Variants in HS6ST3 observed in about 807,000 individuals in gnomAD.
HS6ST3 encodes heparan-sulfate 6-O-sulfotransferase 3.
A neutral mutation model predicts 36.7 loss-of-function variants in HS6ST3; 12 were observed. That is an observed-to-expected ratio of 0.33 (90% CI 0.21 to 0.53). The LOEUF is 0.53. Ranked by LOEUF, HS6ST3 falls within the 20% of genes least tolerant of loss-of-function variation. The probability of loss-of-function intolerance (pLI) is 0.95; values close to 1 mark genes in which losing one functional copy is unlikely to be tolerated. For missense variants in HS6ST3, 584 were observed against 640.9 expected (o/e 0.91, Z 0.96); for synonymous variants, 240 against 257.5 (o/e 0.93, Z 0.65).
intron 1 of HS6ST3, among the ~76,000 whole-genome samples, chr13:96,790,268 T>C (rs1022752030): frequency 1.0e-5 from 1 of 96,712 alleles, no homozygotes; most frequent in African/African-American, 4.2e-5. Flanking sequence ...AAAACACACA[T>C]GTACACACAC....
intron 1 of HS6ST3, among the ~76,000 whole-genome samples, chr13:96,637,243 T>C (rs1392097260): frequency 6.6e-6 from 1 of 152,096 alleles, no homozygotes; most frequent in South Asian, 2.1e-4. Context: ...CTTACCAGAT[T>C]GGTATGATAA....
intron 1 of HS6ST3, among the ~76,000 whole-genome samples, chr13:96,563,899 G>A (rs1401198275): frequency 6.6e-6 from 1 of 151,980 alleles, no homozygotes; most frequent in East Asian, 1.9e-4. Context: ...ATATGGTTAC[G>A]GCCAGCCTGT....
chr13:96,241,589 T>C (rs2054560198), intron 1 of HS6ST3, among the ~76,000 whole-genome samples: 1 of 151,698 alleles, frequency 6.6e-6, no homozygotes, highest in Admixed American at 6.6e-5. Flanking sequence ...ACTTAGAACC[T>C]TATGGTCCCA....
chr13:96,135,971 C>T (rs2053999696), intron 1 of HS6ST3, among the ~76,000 whole-genome samples: 1 of 152,188 alleles, frequency 6.6e-6, no homozygotes, highest in African/African-American at 2.4e-5. Flanking sequence ...GCCTGCATTC[C>T]ACCGGTGGGC....
chr13:96,283,028 C>T (rs1014047384), intron 1 of HS6ST3, among the ~76,000 whole-genome samples: 2 of 152,172 alleles, frequency 1.3e-5, no homozygotes, highest in African/African-American at 4.8e-5. Context: ...AGTAACCTGG[C>T]TGACATCTCT....
Position 96,273,925 on chromosome 13 carries a change from TTCCCTCCCTCCC to T in HS6ST3, c.707+182370_707+182381del, listed in dbSNP as rs60633591. ...GTGGCTTCCCTCCCTTCCTTCCTTC[TTCCCTCCCTCCC>T]TCCCTCCCTCCCTTCCTTCCTTCCT... is the stretch of plus-strand genomic sequence containing the variant. On this transcript the variant is annotated intron_variant, in intron 1 of 1. Transcript: ENST00000376705. Among the ~76,000 whole-genome samples, 626 of 103,490 alleles carry T rather than the reference TTCCCTCCCTCCC, an allele frequency of 6.0e-3. 6 individuals carry two copies. Among genetic ancestry groups the T allele is most frequent in the African/African-American group, 0.023 (594 of 26,188 alleles). 67.9% of individuals were successfully genotyped at this position (103,490 alleles called of 152,430 possible).
chr13:96,614,324 A>AAAAAAAAAT (rs1566411768), intron 1 of HS6ST3, among the ~76,000 whole-genome samples: 3 of 123,688 alleles, frequency 2.4e-5, no homozygotes, highest in Non-Finnish European at 3.4e-5. Flanking sequence ...AAAAAAAAAA[A>AAAAAAAAAT]AAAACAGTTA....
intron 1 of HS6ST3, among the ~76,000 whole-genome samples, chr13:96,718,122 C>A (rs1170573739): frequency 6.6e-6 from 1 of 152,166 alleles, no homozygotes; most frequent in African/African-American, 2.4e-5. Context: ...CAGTCTGGGT[C>A]AGCATCCCAC....
chr13:96,726,740 G>A (rs1034870381), intron 1 of HS6ST3, among the ~76,000 whole-genome samples: 2 of 152,062 alleles, frequency 1.3e-5, no homozygotes, highest in African/African-American at 4.8e-5. Context: ...ATTTTTGGAA[G>A]ATATTTTTCT....
At chr13:96,602,511 G>C (rs2056425282) in intron 1 of HS6ST3, among the ~76,000 whole-genome samples, 1 of 152,224 alleles carries the variant, frequency 6.6e-6, no homozygotes, top group Admixed American at 6.5e-5. Context: ...GGGCAGGTCA[G>C]AAGCCTGGGC....
intron 1 of HS6ST3, among the ~76,000 whole-genome samples, chr13:96,714,651 A>G (rs1189849647): frequency 6.6e-6 from 1 of 152,228 alleles, no homozygotes; most frequent in Admixed American, 6.5e-5. Flanking sequence ...TACATAGCCT[A>G]GAACAATGCT....
intron 1 of HS6ST3, among the ~76,000 whole-genome samples, chr13:96,832,210 C>A (rs1878813960): frequency 6.6e-6 from 1 of 152,080 alleles, no homozygotes. Context: ...TGAATAATTG[C>A]TGAACGAATG....
At chr13:96,156,408 G>A (rs1055174380) in intron 1 of HS6ST3, among the ~76,000 whole-genome samples, 1 of 152,198 alleles carries the variant, frequency 6.6e-6, no homozygotes, top group South Asian at 2.1e-4. Context: ...GAAATCCAGA[G>A]AGTGAAAGGT....
intron 1 of HS6ST3, among the ~76,000 whole-genome samples, chr13:96,339,609 C>T (rs1021610234): frequency 5.9e-5 from 9 of 152,172 alleles, no homozygotes; most frequent in African/African-American, 9.7e-5. Context: ...GACTATCAAG[C>T]GATCAAATAG....
chr13:96,448,889 A>G (rs1030935013), intron 1 of HS6ST3, among the ~76,000 whole-genome samples: 3 of 152,230 alleles, frequency 2.0e-5, no homozygotes. Context: ...GAATGAGCAT[A>G]TATTTTTGGA....
At chr13:96,793,878 C>T (rs1877849952) in intron 1 of HS6ST3, among the ~76,000 whole-genome samples, 1 of 151,964 alleles carries the variant, frequency 6.6e-6, no homozygotes, top group South Asian at 2.1e-4. Flanking sequence ...CACGCCAATG[C>T]TCTGGGACCT....
intron 1 of HS6ST3, among the ~76,000 whole-genome samples, chr13:96,271,235 G>A (rs1012547603): frequency 2.6e-5 from 4 of 151,892 alleles, no homozygotes; most frequent in Admixed American, 6.6e-5. Context: ...CCATTACATA[G>A]CATTTACACC....
intron 1 of HS6ST3, among the ~76,000 whole-genome samples, chr13:96,226,143 A>G (rs976870679): frequency 1.1e-4 from 16 of 152,348 alleles, no homozygotes; most frequent in Middle Eastern, 3.4e-3. Context: ...ACTAATTTAA[A>G]TAATTTAGAA....
At chr13:96,218,476 C>T (rs544404764) in intron 1 of HS6ST3, among the ~76,000 whole-genome samples, 1 of 152,300 alleles carries the variant, frequency 6.6e-6, no homozygotes, top group Non-Finnish European at 1.5e-5. Flanking sequence ...GCTGTGTGCG[C>T]TAATCTGTCT....
Sources: gnomAD v4.1 joint callset for allele counts (sites outside exome capture counted in the v4.1 genomes callset) on GRCh38, gnomAD v4.1.1 for gene constraint, MANE v1.5 for transcripts, NCBI Gene and HGNC (gene_info 2026-07-23, HGNC 2026-07-21) for gene names.